The following TMEM132D variants were observed in gnomAD, a reference collection of about 807,000 sequenced individuals.
The protein encoded by TMEM132D is transmembrane protein 132D.
In TMEM132D, 21 loss-of-function variants were observed where a neutral mutation model predicts 62.3. The observed-to-expected ratio is 0.34, with a 90% CI of 0.24 to 0.49. TMEM132D has a LOEUF of 0.49. Ranked by LOEUF, TMEM132D falls within the 20% of genes least tolerant of loss-of-function variation. TMEM132D has a pLI of 0.99. For missense variants in TMEM132D, 1,346 were observed against 1,402.8 expected, an observed-to-expected ratio of 0.96 and a Z score of 0.65; for synonymous variants, 621 against 575.6, an observed-to-expected ratio of 1.08 and a Z score of -1.13.
At chr12:129,274,438 G>A (rs770736286) in intron 4 of TMEM132D, among the ~76,000 whole-genome samples, 10 of 152,176 alleles carry the variant, frequency 6.6e-5, no homozygotes, top group African/African-American at 4.8e-5. Flanking sequence ...GTCTTTTACA[G>A]AGGTGGTATC....
At chr12:129,107,159 G>T (rs1469218681) in intron 5 of TMEM132D, among the ~76,000 whole-genome samples, 1 of 152,194 alleles carries the variant, frequency 6.6e-6, no homozygotes. Flanking sequence ...TAGGAAAGAT[G>T]AAATGGCACC....
intron 2 of TMEM132D, among the ~76,000 whole-genome samples, chr12:129,545,664 T>C (rs1321772565): frequency 6.6e-6 from 1 of 152,208 alleles, no homozygotes; most frequent in African/African-American, 2.4e-5. Context: ...CTCTCTGTTC[T>C]ATGAGTTTAA....
chr12:129,572,427 G>T (rs1435157279), intron 2 of TMEM132D, among the ~76,000 whole-genome samples: 2 of 148,578 alleles, frequency 1.3e-5, no homozygotes, highest in Non-Finnish European at 3.0e-5. Context: ...AGGGCAGAGG[G>T]TCTGTTTCTT....
intron 5 of TMEM132D, among the ~76,000 whole-genome samples, chr12:129,104,547 C>G (rs1875424615): frequency 6.6e-6 from 1 of 152,122 alleles, no homozygotes; most frequent in South Asian, 2.1e-4. Flanking sequence ...CAAATGGGAT[C>G]TAATTAAACT....
chr12:129,585,672 G>A (rs547154645), intron 2 of TMEM132D, among the ~76,000 whole-genome samples: 11 of 151,946 alleles, frequency 7.2e-5, no homozygotes, highest in South Asian at 2.1e-4. Context: ...AAATGTTCCC[G>A]GAATTCTTTC....
intron 3 of TMEM132D, among the ~76,000 whole-genome samples, chr12:129,369,622 T>A (rs750354293): frequency 3.3e-5 from 5 of 152,184 alleles, no homozygotes; most frequent in Non-Finnish European, 7.3e-5. Context: ...ACCTAGCCAT[T>A]GAGAGGCTGT....
chr12:129,790,472 G>A (rs549155337), intron 1 of TMEM132D, among the ~76,000 whole-genome samples: 11 of 152,230 alleles, frequency 7.2e-5, no homozygotes, highest in Non-Finnish European at 1.3e-4. Flanking sequence ...ATCTTTCCCC[G>A]GAGTAGGGCT....
intron 1 of TMEM132D, among the ~76,000 whole-genome samples, chr12:129,894,894 G>A (rs1875053051): frequency 6.6e-6 from 1 of 152,132 alleles, no homozygotes; most frequent in Admixed American, 6.5e-5. Flanking sequence ...TCAGCATGTT[G>A]CAATATCCCC....
intron 1 of TMEM132D, among the ~76,000 whole-genome samples, chr12:129,879,290 A>G (rs1045154777): frequency 2.6e-5 from 4 of 152,174 alleles, no homozygotes; most frequent in African/African-American, 9.7e-5. Context: ...CTGGGGTCCC[A>G]CCTCAAATCA....
intron 2 of TMEM132D, among the ~76,000 whole-genome samples, chr12:129,633,746 A>G (rs1290695456): frequency 6.6e-6 from 1 of 152,120 alleles, no homozygotes; most frequent in Non-Finnish European, 1.5e-5. Flanking sequence ...CGGGCCTGAC[A>G]GCTTTCTCTC....
chr12:129,345,588 TG>T (rs1446432462), intron 3 of TMEM132D, among the ~76,000 whole-genome samples: 2 of 152,196 alleles, frequency 1.3e-5, no homozygotes, highest in Non-Finnish European at 2.9e-5. Context: ...GTGAGTGTTT[TG>T]TAAGTGGGAG....
chr12:129,310,662 A>C (rs970405091), intron 4 of TMEM132D, among the ~76,000 whole-genome samples: 5 of 152,214 alleles, frequency 3.3e-5, no homozygotes, highest in African/African-American at 1.2e-4. Context: ...AACTCAGTAC[A>C]TCCGGTAAAA....
chr12:129,565,800 T>A (rs547698269), intron 2 of TMEM132D, among the ~76,000 whole-genome samples: 1 of 152,332 alleles, frequency 6.6e-6, no homozygotes, highest in South Asian at 2.1e-4. Context: ...CTGATTGGTC[T>A]CTTGGTCGAA....
chr12:129,168,626 C>T (rs1337210646), intron 5 of TMEM132D, among the ~76,000 whole-genome samples: 5 of 152,178 alleles, frequency 3.3e-5, no homozygotes, highest in African/African-American at 7.2e-5. Flanking sequence ...TTCACCTCCC[C>T]CAGGGGGGTT....
At chr12:129,141,201 T>C (rs1876732335) in intron 5 of TMEM132D, among the ~76,000 whole-genome samples, 1 of 152,182 alleles carries the variant, frequency 6.6e-6, no homozygotes, top group South Asian at 2.1e-4. Flanking sequence ...GCTTGTGTGA[T>C]CCTTCTCAAG....
intron 8 of TMEM132D, among the ~76,000 whole-genome samples, chr12:129,077,239 G>T (rs1874291630): frequency 6.6e-6 from 1 of 152,202 alleles, no homozygotes; most frequent in South Asian, 2.1e-4. Context: ...GGAAGGCCTG[G>T]TACCTCACCC....
intron 2 of TMEM132D, among the ~76,000 whole-genome samples, chr12:129,689,378 AAAT>A (rs1439759874): frequency 2.0e-5 from 3 of 152,198 alleles, no homozygotes; most frequent in African/African-American, 7.2e-5. Context: ...GTTTAACTCT[AAAT>A]ATTATACAAG....
At chr12:129,298,330 A>C (rs971942618) in intron 4 of TMEM132D, among the ~76,000 whole-genome samples, 1 of 152,218 alleles carries the variant, frequency 6.6e-6, no homozygotes, top group African/African-American at 2.4e-5. Context: ...ATTTTTTAAA[A>C]TGCATCAACA....
intron 1 of TMEM132D, among the ~76,000 whole-genome samples, chr12:129,762,706 T>TGG (rs1264250361): frequency 1.3e-5 from 2 of 152,190 alleles, no homozygotes; most frequent in Admixed American, 1.3e-4. Flanking sequence ...CCAGGCAGTC[T>TGG]GTTTCTAGAG....
Sources: gnomAD v4.1 joint callset for allele counts (sites outside exome capture counted in the v4.1 genomes callset) on GRCh38, gnomAD v4.1.1 for gene constraint, MANE v1.5 for transcripts, NCBI Gene and HGNC (gene_info 2026-07-23, HGNC 2026-07-21) for gene names.